The following SMTNL2 variants were observed in gnomAD, a reference collection of about 807,000 sequenced individuals.
The protein encoded by SMTNL2 is smoothelin-like protein 2.
A neutral mutation model predicts 44.1 loss-of-function variants in SMTNL2; 43 were observed. That is an observed-to-expected ratio of 0.98 (90% CI 0.76 to 1.26). The LOEUF is 1.26. Ranked by LOEUF, SMTNL2 falls within the 50% of genes most tolerant of loss-of-function variation. The pLI, the probability that SMTNL2 is intolerant of heterozygous loss-of-function variation, is 0.00. For missense variants in SMTNL2, 646 were observed against 670.2 expected, an observed-to-expected ratio of 0.96 and a Z score of 0.40; for synonymous variants, 317 against 287.6, an observed-to-expected ratio of 1.10 and a Z score of -1.03.
chr17:4,587,402 T>C (rs1202895767), intron 1 of SMTNL2, among the ~76,000 whole-genome samples: 1 of 152,192 alleles, frequency 6.6e-6, no homozygotes, highest in Non-Finnish European at 1.5e-5. Context: ...GTGTCCAGCA[T>C]TGAGAGGAGG....
chr17:4,587,514 CTGGAGTG>C (rs1909391060), intron 1 of SMTNL2, among the ~76,000 whole-genome samples: 1 of 152,180 alleles, frequency 6.6e-6, no homozygotes, highest in Non-Finnish European at 1.5e-5. Flanking sequence ...CAGGGTGAGA[CTGGAGTG>C]TGGACCATGG....
chr17:4,593,020 C>T lies in SMTNL2; in HGVS notation c.579C>T (p.Pro193=), dbSNP rs1329299667. 1 of 1,613,942 alleles carries T rather than the reference C, an allele frequency of 6.2e-7. No homozygotes were observed. The highest frequency in any genetic ancestry group is 2.2e-5 in the East Asian group (1 of 44,900). The stretch of plus-strand genomic sequence containing the variant: ...CTGTGAGCCTCTCCTTGCGGCTGCC[C>T]CACCAGCCAGTCACGGCCATCACCC... ...PRPVSLSLRL[P]HQPVTAITRV... Residue 193 remains proline (P), a synonymous_variant, in exon 3 of 8, where the codon CCC becomes CCT. Transcript: ENST00000389313.
chr17:4,586,644 A>G (rs776791928), intron 1 of SMTNL2, among the ~76,000 whole-genome samples: 1 of 152,054 alleles, frequency 6.6e-6, no homozygotes, highest in Non-Finnish European at 1.5e-5. Context: ...GCTCAGGATG[A>G]GGGTCTTCTT....
Position 4,597,184 on chromosome 17 carries a change from C to T in SMTNL2, c.1120C>T (p.Gln374Ter). Reference protein sequence around the residue: ...KTLGYQHVDLQNFSSSWSDGM... With the variant: ...KTLGYQHVDL ...CACCCTGTTGCAGCACGTGGACCTG[C>T]AGAACTTCTCCTCCAGCTGGAGCGA... The change falls in exon 7 of 8, where the codon CAG becomes TAG. Residue 374 changes from glutamine to a stop codon, truncating the protein, a stop_gained. Coordinates refer to ENST00000389313, the MANE Select transcript of SMTNL2 (RefSeq NM_001114974.2). LOFTEE classifies it high-confidence loss of function. 1.2e-6 allele frequency: 2 copies of T among 1,613,658 alleles called. No homozygotes were observed. Among genetic ancestry groups the T allele is most frequent in the Non-Finnish European group, 1.7e-6 (2 of 1,179,824 alleles).
At chr17:4,585,108 G>C (rs1010990917) in intron 1 of SMTNL2, 104 bp downstream of exon 1, 1 of 1,212,240 alleles carries the variant, frequency 8.2e-7, no homozygotes, top group Non-Finnish European at 1.0e-6. Flanking sequence ...CTGCGGGGTT[G>C]GGGCCTTCAC....
At position 4,600,530 on chromosome 17, in the gene SMTNL2, G is replaced by A. The variant is rs1419836944; in HGVS notation, c.1259+3207G>A. ...GCACAAGGATCAAGGATGCACCAGGGACCTTTGGAGTAAAAGTGGTGTGTG... is the reference window on the plus strand; with the variant it reads ...GCACAAGGATCAAGGATGCACCAGGAACCTTTGGAGTAAAAGTGGTGTGTG... On this transcript the variant is annotated intron_variant, in intron 7 of 7. Coordinates refer to ENST00000389313, the MANE Select transcript of SMTNL2 (RefSeq NM_001114974.2). This position sits in a 1 kb window ranked among gnomAD's most constrained non-coding sequence, Gnocchi z 4.7. Among the ~76,000 whole-genome samples, 1 of 152,138 alleles carries A rather than the reference G, an allele frequency of 6.6e-6. No individual in the cohort carries two copies. The highest frequency in any genetic ancestry group is 2.4e-5 in the African/African-American group (1 of 41,416).
In SMTNL2 at chr17:4,584,736, G is replaced by A; in HGVS notation, c.131G>A (p.Arg44Gln). 1.5e-6 allele frequency: 2 copies of A among 1,307,862 alleles called. No individual in the cohort carries two copies. Among genetic ancestry groups the A allele is most frequent in the African/African-American group, 3.1e-5 (2 of 64,570 alleles). 81.0% of individuals were successfully genotyped at this position (1,307,862 alleles called of 1,614,324 possible). A position where few individuals can be genotyped will look rare whatever the true frequency, so the allele number is the denominator to read the frequency against. ...DMRGLQRGVERRVAEAMRLAG... is the reference protein window; with the variant it reads ...DMRGLQRGVEQRVAEAMRLAG... ...CGGGGGCTGCAGCGCGGCGTGGAGC[G>A]GCGAGTGGCAGAGGCGATGCGCCTG... Residue 44 changes from arginine (R) to glutamine (Q), a missense_variant, in exon 1 of 8, where the codon CGG (arginine) becomes CAG (glutamine). Physicochemically the swap from Arg to Gln is conservative, Grantham distance 43 (BLOSUM62 1). Coordinates refer to ENST00000389313, the MANE Select transcript of SMTNL2 (RefSeq NM_001114974.2).
chr17:4,600,338 A>G lies in SMTNL2; in HGVS notation c.1259+3015A>G, dbSNP rs1042691590. Reference sequence around the variant, plus strand: ...GCAGATCCAGGGTCGTGCAGGCAGCAGGACCACAGAGCTAAGAAAGGCAGC... The same window carrying G: ...GCAGATCCAGGGTCGTGCAGGCAGCGGGACCACAGAGCTAAGAAAGGCAGC... On this transcript the variant is annotated intron_variant, in intron 7 of 7. Coordinates refer to ENST00000389313, the MANE Select transcript of SMTNL2 (RefSeq NM_001114974.2). The surrounding 1 kb of genome is among the most constrained non-coding windows in gnomAD (Gnocchi z 4.7). Among the ~76,000 whole-genome samples the G allele has an allele frequency of 7.2e-5, 11 of 152,154 alleles. No individual in the cohort carries two copies. The highest frequency in any genetic ancestry group is 1.5e-4 in the Non-Finnish European group (10 of 68,024).
chr17:4,595,005 G>T lies in SMTNL2; in HGVS notation c.807-140G>T. ...AAACCTGTCAAACCAGCTAGGGACC[G>T]GAGCAAGGGGGCCTCTTCTCTGAGC... On this transcript the variant is annotated intron_variant, in intron 4 of 7. Coordinates refer to ENST00000389313, the MANE Select transcript of SMTNL2 (RefSeq NM_001114974.2). The surrounding 1 kb of genome is among the most constrained non-coding windows in gnomAD (Gnocchi z 5.1). 1.8e-6 allele frequency: 2 copies of T among 1,132,738 alleles called. No individual in the cohort carries two copies. The highest frequency in any genetic ancestry group is 2.8e-5 in the South Asian group (2 of 71,044). 70.2% of individuals were successfully genotyped at this position (1,132,738 alleles called of 1,614,324 possible).
At chr17:4,602,750 C>A (rs1910101951) in intron 7 of SMTNL2, among the ~76,000 whole-genome samples, 1 of 152,186 alleles carries the variant, frequency 6.6e-6, no homozygotes. Context: ...GCTTCAAAGA[C>A]AGAGAATGCT....
At position 4,598,982 on chromosome 17, in the gene SMTNL2, G is replaced by A. The variant is rs1909925616; in HGVS notation, c.1259+1659G>A. Among the ~76,000 whole-genome samples, 1 of 152,166 alleles carries A rather than the reference G, an allele frequency of 6.6e-6. No individual in the cohort carries two copies. On this transcript the variant is annotated intron_variant, in intron 7 of 7. Transcript: ENST00000389313. This position sits in a 1 kb window ranked among gnomAD's most constrained non-coding sequence, Gnocchi z 4.8. ...GCCCACCACCCCGGCCCCTGAGCCT[G>A]GCCAGGGAAAGAATCAGAGCCAGAG...
chr17:4,585,470 G>C (rs533765141), intron 1 of SMTNL2, among the ~76,000 whole-genome samples: 1 of 152,378 alleles, frequency 6.6e-6, no homozygotes, highest in Non-Finnish European at 1.5e-5. Flanking sequence ...TGAGAACTCA[G>C]GCCCCTGGAT....
At chr17:4,586,942 G>A (rs1192202974) in intron 1 of SMTNL2, among the ~76,000 whole-genome samples, 2 of 152,218 alleles carry the variant, frequency 1.3e-5, no homozygotes, top group Non-Finnish European at 2.9e-5. Flanking sequence ...TCCAGGTGAA[G>A]CTGTCCCAGA....
At chr17:4,591,202 G>A (rs994464673) in intron 1 of SMTNL2, among the ~76,000 whole-genome samples, 2 of 152,198 alleles carry the variant, frequency 1.3e-5, no homozygotes, top group African/African-American at 4.8e-5. Flanking sequence ...CAATGGCAGG[G>A]TGGCACCTCC....
rs762916174 is a variant in SMTNL2, at chr17:4,593,034, C to G, written c.593C>G (p.Thr198Arg). Reference sequence around the variant, plus strand: ...TTGCGGCTGCCCCACCAGCCAGTCACGGCCATCACCCGAGTCTCTGACAGG... The same window carrying G: ...TTGCGGCTGCCCCACCAGCCAGTCAGGGCCATCACCCGAGTCTCTGACAGG... ...LSLRLPHQPV[T>R]AITRVSDRFS... Residue 198 changes from threonine (T) to arginine (R), a missense_variant, in exon 3 of 8, where the codon ACG becomes AGG. Coordinates refer to ENST00000389313, the MANE Select transcript of SMTNL2 (RefSeq NM_001114974.2). The G allele has an allele frequency of 4.3e-6, 7 of 1,614,052 alleles. No homozygotes were observed. The Admixed American group carries it at 5.0e-5, about 12-fold the overall frequency.
chr17:4,585,584 C>T (rs1909314471), intron 1 of SMTNL2, among the ~76,000 whole-genome samples: 1 of 152,222 alleles, frequency 6.6e-6, no homozygotes, highest in South Asian at 2.1e-4. Context: ...GGTGGAAACC[C>T]GCCTTGAGCC....
rs540261565 is a variant in SMTNL2, at chr17:4,600,012, G to A, written c.1259+2689G>A. Among the ~76,000 whole-genome samples, 62 of 152,252 alleles carry A rather than the reference G, an allele frequency of 4.1e-4. No individual in the cohort carries two copies. Among genetic ancestry groups the A allele is most frequent in the Non-Finnish European group, 7.8e-4 (53 of 68,016 alleles). On this transcript the variant is annotated intron_variant, in intron 7 of 7. Transcript: ENST00000389313. This position sits in a 1 kb window ranked among gnomAD's most constrained non-coding sequence, Gnocchi z 4.7. ...CTTGCTTTTCTGCTGACTCGAGGGCGTGGGGAGGGGCGTCCACCGCAGGCC... is the reference window on the plus strand; with the variant it reads ...CTTGCTTTTCTGCTGACTCGAGGGCATGGGGAGGGGCGTCCACCGCAGGCC...
chr17:4,592,161 C>T lies in SMTNL2; in HGVS notation c.400-200C>T, dbSNP rs747196370. 3.3e-5 allele frequency among the ~76,000 whole-genome samples: 5 copies of T among 152,232 alleles called. No individual in the cohort carries two copies. Among genetic ancestry groups the T allele is most frequent in the South Asian group, 2.1e-4 (1 of 4,836 alleles). On this transcript the variant is annotated intron_variant, in intron 1 of 7. Transcript: ENST00000389313. The surrounding 1 kb of genome is among the most constrained non-coding windows in gnomAD (Gnocchi z 4.5). Reference sequence around the variant, plus strand: ...AGTGGAGGTGTTTGCCTCCCAGGATCGCAGGGGCTCAGCAGTTGGAGTGGG... The same window carrying T: ...AGTGGAGGTGTTTGCCTCCCAGGATTGCAGGGGCTCAGCAGTTGGAGTGGG...
chr17:4,599,876 C>G (rs914381613), intron 7 of SMTNL2, among the ~76,000 whole-genome samples: 1 of 152,200 alleles, frequency 6.6e-6, no homozygotes. Flanking sequence ...TCTGCCTTCC[C>G]GGAGCACACA....
Sources: gnomAD v4.1 joint callset for allele counts (sites outside exome capture counted in the v4.1 genomes callset) on GRCh38, gnomAD v4.1.1 for gene constraint, Gnocchi (gnomAD v3.1) non-coding constraint, MANE v1.5 for transcripts, NCBI Gene and HGNC (gene_info 2026-07-23, HGNC 2026-07-21) for gene names.